The following ADCY8 variants were observed in gnomAD, a reference collection of about 807,000 sequenced individuals.
The protein encoded by ADCY8 is adenylate cyclase type 8.
A neutral mutation model predicts 119.7 loss-of-function variants in ADCY8; 51 were observed. The observed-to-expected ratio is 0.43, with a 90% CI of 0.34 to 0.54. ADCY8 has a LOEUF of 0.54. Among genes scored for constraint, ADCY8 ranks in the 20% least tolerant of loss-of-function variants. The pLI is 0.03. For synonymous variants in ADCY8, 665 were observed against 651.0 expected (o/e 1.02, Z -0.33); for missense variants, 1,383 against 1,598.8 (o/e 0.87, Z 2.30).
intron 2 of ADCY8, among the ~76,000 whole-genome samples, chr8:130,973,656 G>A (rs1821988271): frequency 6.6e-6 from 1 of 152,136 alleles, no homozygotes; most frequent in South Asian, 2.1e-4. Context: ...TTTTTACAGA[G>A]CAAAAGATAA....
chr8:130,947,298 A>C (rs1821134852), intron 3 of ADCY8, among the ~76,000 whole-genome samples: 4 of 152,196 alleles, frequency 2.6e-5, no homozygotes, highest in Admixed American at 2.6e-4. Context: ...CAATATCATA[A>C]CTGTGTGTTC....
At chr8:130,978,652 A>G (rs1303092152) in intron 2 of ADCY8, among the ~76,000 whole-genome samples, 4 of 152,214 alleles carry the variant, frequency 2.6e-5, no homozygotes, top group South Asian at 2.1e-4. Context: ...CATGACATAT[A>G]TAACTCTAAG....
chr8:130,845,615 C>T (rs758672754), intron 11 of ADCY8, among the ~76,000 whole-genome samples: 5 of 152,098 alleles, frequency 3.3e-5, no homozygotes, highest in Non-Finnish European at 7.4e-5. Context: ...CTCAGGGAGC[C>T]ATTGTCCCAC....
At chr8:130,961,378 G>A (rs1171828987) in intron 2 of ADCY8, among the ~76,000 whole-genome samples, 1 of 151,856 alleles carries the variant, frequency 6.6e-6, no homozygotes, top group African/African-American at 2.4e-5. Flanking sequence ...CCAAAGCGCT[G>A]GAATTACAGG....
intron 14 of ADCY8, among the ~76,000 whole-genome samples, chr8:130,812,027 A>G (rs888529223): frequency 6.6e-6 from 1 of 152,172 alleles, no homozygotes; most frequent in Admixed American, 6.5e-5. Flanking sequence ...CATCTGCTCC[A>G]TTATCAAGAA....
At chr8:131,000,591 G>C (rs912441288) in intron 1 of ADCY8, among the ~76,000 whole-genome samples, 1 of 152,080 alleles carries the variant, frequency 6.6e-6, no homozygotes, top group Non-Finnish European at 1.5e-5. Context: ...ACTGAAGCTC[G>C]AAGTTTAGTC....
intron 12 of ADCY8, among the ~76,000 whole-genome samples, chr8:130,825,480 C>T (rs1470530099): frequency 1.3e-5 from 2 of 152,126 alleles, no homozygotes; most frequent in Admixed American, 6.5e-5. Flanking sequence ...GAAGTGTGCC[C>T]AAGTTCAAGT....
At chr8:130,950,811 T>A (rs1821246821) in intron 3 of ADCY8, among the ~76,000 whole-genome samples, 1 of 152,220 alleles carries the variant, frequency 6.6e-6, no homozygotes, top group Non-Finnish European at 1.5e-5. Flanking sequence ...GCAATTCTCC[T>A]GCCTTAGTCT....
chr8:131,039,450 G>T lies in ADCY8; in HGVS notation c.884C>A (p.Ala295Asp). ...CTGCAGCAGCGAGGTGCCCAGGCCG[G>T]CCAGGATGGCCCAGGTGAGCGGCAG... ...LPLPLTWAILAGLGTSLLQVI... is the reference protein window; with the variant it reads ...LPLPLTWAILDGLGTSLLQVI... Residue 295 changes from alanine (A) to aspartate (D), a missense_variant, in exon 1 of 18, where the codon GCC becomes GAC. Ala to Asp is a moderately radical substitution (Grantham distance 126, BLOSUM62 -2). Around this residue, in one of 2 missense-constraint regions of ADCY8, gnomAD observed 455 missense variants for 435.3 expected, o/e 1.05. Transcript: ENST00000286355. The T allele has an allele frequency of 5.0e-6, 8 of 1,614,200 alleles. No homozygotes were observed. The highest frequency in any genetic ancestry group is 5.9e-6 in the Non-Finnish European group (7 of 1,180,040).
chr8:130,939,615 T>A (rs1037979414), intron 4 of ADCY8, among the ~76,000 whole-genome samples: 1 of 152,202 alleles, frequency 6.6e-6, no homozygotes, highest in Non-Finnish European at 1.5e-5. Context: ...GACATCTGCA[T>A]TCCAGAGAAA....
Position 130,780,489 on chromosome 8 carries a change from T to TC in ADCY8, c.3656dup (p.Ile1220AsnfsTer24). The TC allele has an allele frequency of 6.2e-7, 1 of 1,614,098 alleles. No homozygotes were observed. The highest frequency in any genetic ancestry group is 8.5e-7 in the Non-Finnish European group (1 of 1,179,992). On this transcript the variant is annotated frameshift_variant, in exon 18 of 18. Coordinates refer to ENST00000286355, the MANE Select transcript of ADCY8 (RefSeq NM_001115.3). LOFTEE classifies it high-confidence loss of function. Reference sequence around the variant, plus strand: ...GCCGGTTGTAATGACCCTTGATGATTCCTGTGTTGTTGTTCTCATTGAGTA... The same window carrying TC: ...GCCGGTTGTAATGACCCTTGATGATTCCCTGTGTTGTTGTTCTCATTGAGTA...
chr8:130,781,126 A>G (rs114230052), intron 17 of ADCY8, among the ~76,000 whole-genome samples: 1 of 152,178 alleles, frequency 6.6e-6, no homozygotes, highest in Non-Finnish European at 1.5e-5. Flanking sequence ...ATACAAGTAA[A>G]GCCACTGTGG....
intron 14 of ADCY8, among the ~76,000 whole-genome samples, chr8:130,806,259 C>A (rs1395972977): frequency 2.0e-5 from 3 of 152,216 alleles, no homozygotes; most frequent in African/African-American, 4.8e-5. Context: ...TGTCTGCCTG[C>A]TCCTCTGTGC....
At chr8:130,992,578 C>A (rs1444876370) in intron 1 of ADCY8, among the ~76,000 whole-genome samples, 2 of 151,544 alleles carry the variant, frequency 1.3e-5, no homozygotes, top group East Asian at 3.9e-4. Context: ...CCGCATGTGG[C>A]TAATTTTTGT....
chr8:130,872,997 C>T (rs954540274), intron 8 of ADCY8, among the ~76,000 whole-genome samples: 1 of 152,092 alleles, frequency 6.6e-6, no homozygotes, highest in Non-Finnish European at 1.5e-5. Context: ...TTTTTAGATC[C>T]ACCACAAAGA....
At chr8:130,870,852 T>C (rs1161826592) in intron 8 of ADCY8, among the ~76,000 whole-genome samples, 1 of 152,196 alleles carries the variant, frequency 6.6e-6, no homozygotes. Flanking sequence ...TTTGTCACTA[T>C]TTTATTGTGA....
intron 5 of ADCY8, among the ~76,000 whole-genome samples, chr8:130,932,338 G>T (rs1820653753): frequency 6.6e-6 from 1 of 152,170 alleles, no homozygotes; most frequent in African/African-American, 2.4e-5. Flanking sequence ...TGAGCTGTGT[G>T]GTCCTATCTG....
At chr8:130,795,867 A>G (rs1013561068) in intron 15 of ADCY8, among the ~76,000 whole-genome samples, 15 of 152,160 alleles carry the variant, frequency 9.9e-5, no homozygotes, top group Admixed American at 6.5e-5. Flanking sequence ...TCTTGAACTA[A>G]AGTGAAGCCC....
At chr8:130,968,898 G>GA (rs1821842979) in intron 2 of ADCY8, among the ~76,000 whole-genome samples, 1 of 152,018 alleles carries the variant, frequency 6.6e-6, no homozygotes, top group South Asian at 2.1e-4. Flanking sequence ...GCCCCCTTTG[G>GA]AAAAAATCTT....
Sources: gnomAD v4.1 joint callset for allele counts (sites outside exome capture counted in the v4.1 genomes callset) on GRCh38, gnomAD v4.1.1 for gene constraint, gnomAD v4.1.1 regional missense constraint, MANE v1.5 for transcripts, NCBI Gene and HGNC (gene_info 2026-07-23, HGNC 2026-07-21) for gene names.